IRAK3: variants seen among roughly 807,000 people sequenced by gnomAD.
IRAK3 encodes the protein interleukin 1 receptor associated kinase 3.
In IRAK3, 57 loss-of-function variants were observed where a neutral mutation model predicts 56.6. The ratio of observed to expected loss-of-function variants is 1.01; its 90% CI spans 0.81 to 1.26. The LOEUF is 1.26. IRAK3 is among the 50% of genes most tolerant of loss of function. The pLI, the probability that IRAK3 is intolerant of heterozygous loss-of-function variation, is 0.00. For synonymous variants in IRAK3, 258 were observed against 255.7 expected, an observed-to-expected ratio of 1.01 and a Z score of -0.09; for missense variants, 703 against 719.0, an observed-to-expected ratio of 0.98 and a Z score of 0.25.
chr12:66,241,150 CTCA>C (rs1398952219), intron 8 of IRAK3, among the ~76,000 whole-genome samples: 1 of 152,134 alleles, frequency 6.6e-6, no homozygotes, highest in Non-Finnish European at 1.5e-5. Flanking sequence ...AGGTTACAAA[CTCA>C]TCATCTGTGT....
At chr12:66,202,294 C>A (rs919579049) in intron 1 of IRAK3, among the ~76,000 whole-genome samples, 1 of 151,976 alleles carries the variant, frequency 6.6e-6, no homozygotes, top group Non-Finnish European at 1.5e-5. Context: ...GCAATGGAAC[C>A]CTGGCCACAA....
chr12:66,228,283 G>A lies in IRAK3; in HGVS notation c.800G>A (p.Arg267Gln), dbSNP rs371798024. ...ACGGCCCCACTCCCTTGGCACATTC[G>A]AATCGGTATATTAATAGGAATATCC... ...GDTAPLPWHI[R>Q]IGILIGISKA... Residue 267 changes from arginine to glutamine, a missense_variant, in exon 8 of 12, where the codon CGA becomes CAA. Physicochemically the swap from Arg to Gln is conservative, Grantham distance 43 (BLOSUM62 1). Transcript: ENST00000261233. 9.6e-5 allele frequency: 155 copies of A among 1,613,958 alleles called. No individual in the cohort carries two copies. The highest frequency in any genetic ancestry group is 1.2e-4 in the Non-Finnish European group (145 of 1,179,986).
intron 1 of IRAK3, among the ~76,000 whole-genome samples, chr12:66,193,199 G>A (rs1437101448): frequency 6.6e-6 from 1 of 151,964 alleles, no homozygotes; most frequent in Admixed American, 6.6e-5. Flanking sequence ...TTTTAGTAGA[G>A]ACAGGGTTTC....
chr12:66,189,559 G>T (rs2052379758), intron 1 of IRAK3, 127 bp downstream of exon 1: 13 of 540,098 alleles, frequency 2.4e-5, no homozygotes, highest in Admixed American at 5.6e-5. Context: ...TTCCCGCCAG[G>T]GAGCCGGCCC....
At chr12:66,214,565 A>AAAACAAAACAAAACAAAACC (rs920843787) in intron 5 of IRAK3, among the ~76,000 whole-genome samples, 1 of 151,918 alleles carries the variant, frequency 6.6e-6, no homozygotes, top group Admixed American at 6.6e-5. Flanking sequence ...AAAACAAAAC[A>AAAACAAAACAAAACAAAACC]AAACCACCAG....
At chr12:66,197,939 A>G in intron 1 of IRAK3, 1 of 985,430 alleles carries the variant, frequency 1.0e-6, no homozygotes, top group Non-Finnish European at 1.2e-6. Flanking sequence ...AGAGAATGGA[A>G]TTTATGGAAA....
chr12:66,195,327 T>C (rs370420924), intron 1 of IRAK3, among the ~76,000 whole-genome samples: 13 of 152,214 alleles, frequency 8.5e-5, no homozygotes, highest in African/African-American at 3.1e-4. Context: ...AGCAGTTGGC[T>C]GACTGGGCTC....
chr12:66,203,749 A>G lies in IRAK3; in HGVS notation c.172A>G (p.Ile58Val). The G allele has an allele frequency of 6.2e-7, 1 of 1,614,136 alleles. No individual in the cohort carries two copies. Among genetic ancestry groups the G allele is most frequent in the Non-Finnish European group, 8.5e-7 (1 of 1,180,006 alleles). ...AAGCAGCTGGCTGGATGTTCGTCAT[A>G]TTGAAAAGTATGTAGACCAAGGTAA... ...LSSSWLDVRH[I>V]EKYVDQGKSG... Residue 58 changes from isoleucine (I) to valine (V), a missense_variant, in exon 2 of 12, where the codon ATT becomes GTT. By Grantham distance (29) the Ile-to-Val change is conservative (BLOSUM62 3). Transcript: ENST00000261233.
At chr12:66,227,794 AGAGG>A (rs2052803684) in intron 7 of IRAK3, among the ~76,000 whole-genome samples, 1 of 150,514 alleles carries the variant, frequency 6.6e-6, no homozygotes. Flanking sequence ...AGAGACAGAG[AGAGG>A]GAGAGAGAGA....
chr12:66,218,993 G>C (rs543056495), intron 6 of IRAK3, among the ~76,000 whole-genome samples: 1 of 152,212 alleles, frequency 6.6e-6, no homozygotes, highest in South Asian at 2.1e-4. Context: ...TGTTGGAAAT[G>C]GCAGGATTTT....
At chr12:66,190,196 A>G (rs751605090) in intron 1 of IRAK3, among the ~76,000 whole-genome samples, 14 of 152,230 alleles carry the variant, frequency 9.2e-5, no homozygotes, top group Non-Finnish European at 1.9e-4. Context: ...TGATTATGTC[A>G]AAATAACTTA....
At position 66,203,193 on chromosome 12, in the gene IRAK3, A is replaced by G. The variant is rs2052525951; in HGVS notation, c.134-518A>G. Among the ~76,000 whole-genome samples the G allele has an allele frequency of 2.0e-5, 3 of 152,202 alleles. No individual in the cohort carries two copies. In the South Asian group the frequency reaches 6.2e-4, roughly 32 times the overall value. Reference sequence around the variant, plus strand: ...AAGTATCTTCCCCGAAATATTTATTAATTATAAAGAGAAAGATAATTTTAT... The same window carrying G: ...AAGTATCTTCCCCGAAATATTTATTGATTATAAAGAGAAAGATAATTTTAT... On this transcript the variant is annotated intron_variant, in intron 1 of 11. Transcript: ENST00000261233.
chr12:66,233,822 C>CTGTTTGTTTGTT (rs35150438), intron 8 of IRAK3, among the ~76,000 whole-genome samples: 2 of 144,216 alleles, frequency 1.4e-5, no homozygotes, highest in Admixed American at 7.0e-5. Context: ...TGATAAAAAT[C>CTGTTTGTTTGTT]TGTTTGTTTG....
At chr12:66,202,099 T>C (rs926746273) in intron 1 of IRAK3, among the ~76,000 whole-genome samples, 1 of 152,242 alleles carries the variant, frequency 6.6e-6, no homozygotes, top group Non-Finnish European at 1.5e-5. Context: ...ATAATATTAC[T>C]GTTCAAGAAT....
intron 1 of IRAK3, chr12:66,197,484 T>C (rs924254222): frequency 5.8e-5 from 57 of 984,912 alleles, no homozygotes; most frequent in Middle Eastern, 1.0e-3. Context: ...AAAAATACTC[T>C]TTAGCAATGT....
intron 8 of IRAK3, among the ~76,000 whole-genome samples, chr12:66,229,264 C>A (rs573724096): frequency 6.6e-6 from 1 of 152,326 alleles, no homozygotes; most frequent in South Asian, 2.1e-4. Context: ...GAAGCAACAT[C>A]TCCCACATTT....
At position 66,247,909 on chromosome 12, in the gene IRAK3, G is replaced by C; in HGVS notation, c.1529G>C (p.Ser510Thr). 6.2e-7 allele frequency: 1 copy of C among 1,614,216 alleles called. No homozygotes were observed. The highest frequency in any genetic ancestry group is 8.5e-7 in the Non-Finnish European group (1 of 1,180,036). ...RMTQKTPFEC[S>T]QSEVMFLSLD... ...ACTCAGAAAACTCCTTTTGAATGCA[G>C]CCAGTCTGAGGTTATGTTTCTGAGC... is the stretch of plus-strand genomic sequence containing the variant. The change falls in exon 12 of 12, where the codon AGC becomes ACC. Residue 510 changes from serine (S) to threonine (T), a missense_variant. Coordinates refer to ENST00000261233, the MANE Select transcript of IRAK3 (RefSeq NM_007199.3).
rs1231952771 is a variant in IRAK3 at position 66,252,452 on chromosome 12, C to T, written c.*4281C>T. ...AGATTTTTAGTAGGTACCATGTCTC[C>T]TGCCTTTATCACTATCCTACTCCTC... On this transcript the variant is annotated 3_prime_UTR_variant, in exon 12 of 12. Transcript: ENST00000261233. 6.6e-6 allele frequency: 1 copy of T among 152,196 alleles called. No individual in the cohort carries two copies. The highest frequency in any genetic ancestry group is 1.5e-5 in the Non-Finnish European group (1 of 68,042). 9.4% of individuals were successfully genotyped at this position (152,196 alleles called of 1,614,324 possible).
chr12:66,231,718 C>T (rs146677489), intron 8 of IRAK3, among the ~76,000 whole-genome samples: 213 of 152,054 alleles, frequency 1.4e-3, no homozygotes, highest in African/African-American at 5.0e-3. Flanking sequence ...AGAATTGCCA[C>T]GTATATAGTA....
Sources: gnomAD v4.1 joint callset for allele counts (sites outside exome capture counted in the v4.1 genomes callset) on GRCh38, gnomAD v4.1.1 for gene constraint, MANE v1.5 for transcripts, NCBI Gene and HGNC (gene_info 2026-07-23, HGNC 2026-07-21) for gene names.